Variants in NR3C2 observed in about 807,000 individuals in gnomAD.
NR3C2 encodes the protein mineralocorticoid receptor.
Under a neutral mutation model 86.4 loss-of-function variants are expected in NR3C2, and 15 were observed. That is an observed-to-expected ratio of 0.17 (90% CI 0.12 to 0.27). The LOEUF (loss-of-function observed/expected upper bound fraction) is 0.27. Ranked by LOEUF, NR3C2 falls within the 10% of genes least tolerant of loss-of-function variation. The probability of loss-of-function intolerance (pLI) is 1.00; values close to 1 mark genes in which losing one functional copy is unlikely to be tolerated. For missense variants in NR3C2, 960 were observed against 1,195.6 expected (o/e 0.80, Z 2.91); for synonymous variants, 458 against 450.5 (o/e 1.02, Z -0.21).
chr4:148,152,704 C>G, intron 5 of NR3C2, 91 bp from the exon 6 acceptor site: 1 of 1,234,932 alleles, frequency 8.1e-7, no homozygotes, highest in Admixed American at 1.8e-5. Flanking sequence ...AAACAGCCAC[C>G]TTTCTTTCAC....
intron 2 of NR3C2, among the ~76,000 whole-genome samples, chr4:148,270,024 C>T (rs141869638): frequency 7.0e-4 from 106 of 151,858 alleles, no homozygotes; most frequent in African/African-American, 2.3e-3. Flanking sequence ...TGATGGGTAC[C>T]GGACCTAATG....
At chr4:148,207,096 G>T (rs576565449) in intron 3 of NR3C2, among the ~76,000 whole-genome samples, 19 of 151,710 alleles carry the variant, frequency 1.3e-4, no homozygotes, top group Middle Eastern at 6.8e-3. Context: ...AATTTTTTTT[G>T]ATTTTTAGTA....
intron 2 of NR3C2, among the ~76,000 whole-genome samples, chr4:148,376,227 T>A (rs568572862): frequency 6.6e-6 from 1 of 151,520 alleles, no homozygotes; most frequent in African/African-American, 2.4e-5. Flanking sequence ...ATGAAACTCT[T>A]TGGTGTAGAA....
chr4:148,349,720 A>C (rs1047612918), intron 2 of NR3C2, among the ~76,000 whole-genome samples: 19 of 152,268 alleles, frequency 1.2e-4, no homozygotes, highest in East Asian at 3.9e-4. Context: ...ATGTTAATGT[A>C]TGACAAACAG....
chr4:148,129,694 CA>C (rs1483429066), intron 6 of NR3C2, among the ~76,000 whole-genome samples: 1 of 152,152 alleles, frequency 6.6e-6, no homozygotes, highest in Non-Finnish European at 1.5e-5. Flanking sequence ...CTCCCTGGTT[CA>C]AGCGATTCTT....
intron 3 of NR3C2, among the ~76,000 whole-genome samples, chr4:148,219,628 T>G (rs1737728597): frequency 1.3e-5 from 2 of 152,208 alleles, no homozygotes; most frequent in South Asian, 4.1e-4. Context: ...AATACTCCTC[T>G]CTTTTGCAGC....
intron 2 of NR3C2, among the ~76,000 whole-genome samples, chr4:148,396,874 C>T (rs1233273776): frequency 6.6e-6 from 1 of 152,160 alleles, no homozygotes; most frequent in African/African-American, 2.4e-5. Context: ...TGGTTCTCTC[C>T]AATCCCTACT....
intron 6 of NR3C2, among the ~76,000 whole-genome samples, chr4:148,136,061 A>AC (rs1560939889): frequency 1.4e-3 from 82 of 57,494 alleles, no homozygotes; most frequent in East Asian, 0.011. Flanking sequence ...CGTCTCAAAA[A>AC]AAAAAAAAAA....
At chr4:148,118,364 A>G (rs1438778909) in intron 7 of NR3C2, among the ~76,000 whole-genome samples, 4 of 152,090 alleles carry the variant, frequency 2.6e-5, no homozygotes, top group Admixed American at 1.3e-4. Flanking sequence ...GCTGTTAGTC[A>G]CATGCCTTTT....
At chr4:148,400,357 G>A (rs1369025358) in intron 2 of NR3C2, among the ~76,000 whole-genome samples, 1 of 152,138 alleles carries the variant, frequency 6.6e-6, no homozygotes, top group Non-Finnish European at 1.5e-5. Context: ...CATTAGCTCT[G>A]TTTAAAACCT....
At chr4:148,117,376 TCTGCCCTCGCTG>T (rs1173221991) in intron 7 of NR3C2, among the ~76,000 whole-genome samples, 1 of 152,174 alleles carries the variant, frequency 6.6e-6, no homozygotes, top group East Asian at 1.9e-4. Flanking sequence ...TTTTGGACAC[TCTGCCCTCGCTG>T]CTGCCATTGT....
intron 2 of NR3C2, among the ~76,000 whole-genome samples, chr4:148,283,019 G>GA (rs757219878): frequency 6.6e-6 from 1 of 152,048 alleles, no homozygotes; most frequent in East Asian, 1.9e-4. Flanking sequence ...AGCTGAGGGG[G>GA]AAAAATCACA....
At chr4:148,230,266 T>C (rs965529212) in intron 3 of NR3C2, among the ~76,000 whole-genome samples, 4 of 152,194 alleles carry the variant, frequency 2.6e-5, no homozygotes, top group South Asian at 2.1e-4. Flanking sequence ...TGATCTTGGC[T>C]CACTGCAACC....
intron 3 of NR3C2, among the ~76,000 whole-genome samples, chr4:148,247,836 C>T (rs1739391612): frequency 6.6e-6 from 1 of 151,958 alleles, no homozygotes; most frequent in Non-Finnish European, 1.5e-5. Context: ...CATCATGTGT[C>T]TTCTCAGCAC....
intron 2 of NR3C2, among the ~76,000 whole-genome samples, chr4:148,349,346 T>C (rs1745156207): frequency 6.6e-6 from 1 of 152,162 alleles, no homozygotes; most frequent in African/African-American, 2.4e-5. Context: ...ATTTTTTTTT[T>C]CTAGTTTCAT....
At chr4:148,162,765 G>A (rs529097952) in intron 4 of NR3C2, among the ~76,000 whole-genome samples, 54 of 152,244 alleles carry the variant, frequency 3.5e-4, no homozygotes, top group Non-Finnish European at 7.1e-4. Context: ...GAGGTGGCTC[G>A]TGCCTCCCTG....
At chr4:148,253,322 A>G (rs1374514346) in intron 3 of NR3C2, among the ~76,000 whole-genome samples, 1 of 152,200 alleles carries the variant, frequency 6.6e-6, no homozygotes, top group Non-Finnish European at 1.5e-5. Context: ...AATGATAAAG[A>G]ACCAAACCTA....
At chr4:148,255,010 AT>A (rs1739761338) in intron 3 of NR3C2, among the ~76,000 whole-genome samples, 1 of 152,180 alleles carries the variant, frequency 6.6e-6, no homozygotes, top group Admixed American at 6.5e-5. Flanking sequence ...TATTAATAAC[AT>A]TCTGATTTAG....
intron 7 of NR3C2, among the ~76,000 whole-genome samples, chr4:148,117,220 T>G (rs968782141): frequency 3.9e-5 from 6 of 152,148 alleles, no homozygotes; most frequent in Admixed American, 2.6e-4. Context: ...CCCGGGCAAT[T>G]GAATTCAATG....
Sources: gnomAD v4.1 joint callset for allele counts (sites outside exome capture counted in the v4.1 genomes callset) on GRCh38, gnomAD v4.1.1 for gene constraint, MANE v1.5 for transcripts, NCBI Gene and HGNC (gene_info 2026-07-23, HGNC 2026-07-21) for gene names.